The following ADCK1 variants were observed in gnomAD, a reference collection of about 807,000 sequenced individuals.
ADCK1 encodes the protein aarF domain-containing protein kinase 1.
Under a neutral mutation model 52.3 loss-of-function variants are expected in ADCK1, and 41 were observed. The observed-to-expected ratio is 0.78, with a 90% CI of 0.61 to 1.02. The LOEUF is 1.02. Among genes scored for constraint, ADCK1 ranks in the 50% least tolerant of loss-of-function variants. The probability of loss-of-function intolerance (pLI) is 0.00; values close to 1 mark genes in which losing one functional copy is unlikely to be tolerated. For synonymous variants in ADCK1, 250 were observed against 274.6 expected, an observed-to-expected ratio of 0.91 and a Z score of 0.89; for missense variants, 658 against 679.5, an observed-to-expected ratio of 0.97 and a Z score of 0.35.
intron 3 of ADCK1, among the ~76,000 whole-genome samples, chr14:77,844,100 C>T (rs2082127990): frequency 6.6e-6 from 1 of 151,854 alleles, no homozygotes; most frequent in Non-Finnish European, 1.5e-5. Context: ...CAGAGTCTCA[C>T]TCTGTTGCTC....
At chr14:77,858,748 A>G (rs985856168) in intron 3 of ADCK1, among the ~76,000 whole-genome samples, 1 of 152,136 alleles carries the variant, frequency 6.6e-6, no homozygotes. Context: ...ATGAGTCATT[A>G]GTAGGTTAGA....
intron 2 of ADCK1, among the ~76,000 whole-genome samples, chr14:77,820,304 G>GAT (rs10532993): frequency 0.02 from 3,025 of 149,574 alleles, 88 homozygotes; most frequent in African/African-American, 0.061. Context: ...TTTATTTTAT[G>GAT]ATATATATAT....
At chr14:77,900,790 G>T (rs900745271) in intron 6 of ADCK1, 6 of 334,668 alleles carry the variant, frequency 1.8e-5, no homozygotes, top group Non-Finnish European at 3.5e-5. Context: ...TTTGCATTAT[G>T]ATCAAACTAT....
chr14:77,887,027 C>T, intron 4 of ADCK1, 64 bp from the exon 5 acceptor site: 1 of 1,484,732 alleles, frequency 6.7e-7, no homozygotes, highest in Non-Finnish European at 9.0e-7. Context: ...GGCCCATCTT[C>T]CTGGCTCCCT....
chr14:77,933,143 AGTTTTT>A, intron 10 of ADCK1, 71 bp from the exon 11 acceptor site: 2 of 1,486,542 alleles, frequency 1.3e-6, no homozygotes, highest in Non-Finnish European at 1.8e-6. Context: ...CACCATCTTT[AGTTTTT>A]CTAAATGATA....
intron 3 of ADCK1, among the ~76,000 whole-genome samples, chr14:77,841,698 T>G (rs113722281): frequency 2.5e-5 from 2 of 80,584 alleles, no homozygotes; most frequent in Non-Finnish European, 4.6e-5. Flanking sequence ...AAAAAAAAAT[T>G]AGCCAGGCGT....
chr14:77,815,906 C>T (rs941662322), intron 1 of ADCK1, among the ~76,000 whole-genome samples: 1 of 150,538 alleles, frequency 6.6e-6, no homozygotes, highest in Non-Finnish European at 1.5e-5. Flanking sequence ...ACCTCCACCT[C>T]CTGGGTTCAA....
At chr14:77,931,174 G>A (rs2084321370) in intron 9 of ADCK1, among the ~76,000 whole-genome samples, 1 of 152,226 alleles carries the variant, frequency 6.6e-6, no homozygotes, top group Admixed American at 6.5e-5. Context: ...ACCAGACTCA[G>A]CTGGTACTGG....
At chr14:77,867,924 A>G (rs986495789) in intron 4 of ADCK1, among the ~76,000 whole-genome samples, 9 of 152,248 alleles carry the variant, frequency 5.9e-5, no homozygotes, top group African/African-American at 2.2e-4. Context: ...GCCAAAGTGC[A>G]CTGCCTGGTG....
chr14:77,924,429 G>T (rs1206124443), intron 7 of ADCK1, 28 bp from the exon 8 acceptor site: 2 of 1,611,754 alleles, frequency 1.2e-6, no homozygotes, highest in East Asian at 2.2e-5. Flanking sequence ...GTGGAGAGGA[G>T]CTCCCACCTG....
chr14:77,814,897 T>A (rs1412327408), intron 1 of ADCK1, among the ~76,000 whole-genome samples: 7 of 118,782 alleles, frequency 5.9e-5, no homozygotes, highest in African/African-American at 2.1e-4. Context: ...AAAAAAAAAT[T>A]TTTTTTTTTT....
At chr14:77,858,489 C>G (rs2082471304) in intron 3 of ADCK1, among the ~76,000 whole-genome samples, 1 of 152,170 alleles carries the variant, frequency 6.6e-6, no homozygotes, top group South Asian at 2.1e-4. Flanking sequence ...ATCCACCTGC[C>G]TTGGCCTCCC....
At chr14:77,841,835 G>C (rs1280546176) in intron 3 of ADCK1, among the ~76,000 whole-genome samples, 1 of 122,316 alleles carries the variant, frequency 8.2e-6, no homozygotes, top group Non-Finnish European at 1.6e-5. Context: ...CAGAGTGACA[G>C]AGTGACACTC....
chr14:77,905,860 T>A (rs188278959), intron 6 of ADCK1, among the ~76,000 whole-genome samples: 62 of 152,310 alleles, frequency 4.1e-4, no homozygotes, highest in Middle Eastern at 3.4e-3. Flanking sequence ...CTCACTTTTT[T>A]AAAAAGAAAC....
At chr14:77,835,887 C>T (rs1194728807) in intron 3 of ADCK1, among the ~76,000 whole-genome samples, 1 of 152,170 alleles carries the variant, frequency 6.6e-6, no homozygotes, top group African/African-American at 2.4e-5. Flanking sequence ...CCCCCTGCTT[C>T]GGCCTCCCAA....
At chr14:77,837,347 AGGCTGG>A (rs1253175002) in intron 3 of ADCK1, among the ~76,000 whole-genome samples, 1 of 152,234 alleles carries the variant, frequency 6.6e-6, no homozygotes, top group Non-Finnish European at 1.5e-5. Flanking sequence ...TGTGCTGGCC[AGGCTGG>A]TCTTCAACTC....
chr14:77,823,881 TA>T (rs929842868), intron 3 of ADCK1, among the ~76,000 whole-genome samples: 34 of 152,118 alleles, frequency 2.2e-4, no homozygotes, highest in African/African-American at 7.2e-4. Flanking sequence ...CTGTTTCATT[TA>T]TTTTTTTATT....
At chr14:77,912,378 A>G (rs998921224) in intron 7 of ADCK1, among the ~76,000 whole-genome samples, 46 of 151,502 alleles carry the variant, frequency 3.0e-4, no homozygotes, top group African/African-American at 1.0e-3. Flanking sequence ...AAATTAATCT[A>G]TCATGTCTCT....
chr14:77,838,286 C>A (rs1337057133), intron 3 of ADCK1, among the ~76,000 whole-genome samples: 1 of 152,206 alleles, frequency 6.6e-6, no homozygotes, highest in African/African-American at 2.4e-5. Flanking sequence ...AAACTGTTGA[C>A]TGATAACAGC....
Sources: allele counts gnomAD v4.1 joint callset (sites outside exome capture counted in the v4.1 genomes callset), GRCh38; gene constraint gnomAD v4.1.1; transcripts MANE v1.5; gene names NCBI Gene and HGNC (gene_info 2026-07-23, HGNC 2026-07-21).